The following FAM174B variants were observed in gnomAD, a reference collection of about 807,000 sequenced individuals.
FAM174B encodes family with sequence similarity 174 member B.
In FAM174B, 12 loss-of-function variants were observed where a neutral mutation model predicts 10.9. The observed-to-expected ratio is 1.10, with a 90% CI of 0.71 to 1.79. The LOEUF (loss-of-function observed/expected upper bound fraction) is 1.79. Among genes scored for constraint, FAM174B ranks in the 40% most tolerant of loss-of-function variants. The probability of loss-of-function intolerance (pLI) is 0.00; values close to 1 mark genes in which losing one functional copy is unlikely to be tolerated. For missense variants in FAM174B, 266 were observed against 233.3 expected (o/e 1.14, Z -0.91); for synonymous variants, 132 against 115.8 (o/e 1.14, Z -0.90).
intron 1 of FAM174B, among the ~76,000 whole-genome samples, chr15:92,635,290 G>C (rs1368377725): frequency 2.6e-5 from 4 of 152,104 alleles, no homozygotes; most frequent in Non-Finnish European, 5.9e-5. Flanking sequence ...TTGACATAAT[G>C]AGCTGGAGAA....
At chr15:92,626,159 C>T (rs200894015) in intron 2 of FAM174B, among the ~76,000 whole-genome samples, 2 of 146,802 alleles carry the variant, frequency 1.4e-5, no homozygotes, top group South Asian at 4.3e-4. Context: ...AGTGCACTGG[C>T]GCGATCTTGG....
At chr15:92,620,901 A>G (rs1407129724) in intron 2 of FAM174B, among the ~76,000 whole-genome samples, 1 of 152,094 alleles carries the variant, frequency 6.6e-6, no homozygotes, top group Non-Finnish European at 1.5e-5. Context: ...TGACCAGTTA[A>G]AGCTGCCACC....
intron 2 of FAM174B, among the ~76,000 whole-genome samples, chr15:92,626,114 A>ATT (rs67649021): frequency 0.012 from 1,271 of 105,044 alleles, 10 homozygotes; most frequent in African/African-American, 0.024. Flanking sequence ...AGGTTGCTGG[A>ATT]TTTTTTTTTT....
Position 92,630,273 on chromosome 15 carries a change from C to A in FAM174B, c.417G>T (p.Ala139=), listed in dbSNP as rs34612384. Residue 139 remains alanine (A), a synonymous_variant, in exon 2 of 3, where the codon GCG becomes GCT. Coordinates refer to ENST00000327355, the MANE Select transcript of FAM174B (RefSeq NM_207446.3). Reference sequence around the variant, plus strand: ...CTTCATCATCCTCTTCATTTAGTGGCGCCATTTCCACTCGCTCTGCTGGAG... The same window carrying A: ...CTTCATCATCCTCTTCATTTAGTGGAGCCATTTCCACTCGCTCTGCTGGAG... ...ITTPAERVEM[A]PLNEEDDEDE... The A allele has an allele frequency of 6.2e-7, 1 of 1,613,692 alleles. No individual in the cohort carries two copies. The highest frequency in any genetic ancestry group is 8.5e-7 in the Non-Finnish European group (1 of 1,179,708).
In FAM174B at chr15:92,655,519, G is replaced by C. The variant is rs2050998107; in HGVS notation, c.141C>G (p.Pro47=). The C allele has an allele frequency of 1.3e-6, 2 of 1,494,546 alleles. No homozygotes were observed. Among genetic ancestry groups the C allele is most frequent in the Non-Finnish European group, 1.8e-6 (2 of 1,122,548 alleles). The allele number at this position is 1,494,546 out of a possible 1,614,324, so 92.6% of individuals were successfully genotyped here. A position where few individuals can be genotyped will look rare whatever the true frequency, so the allele number is the denominator to read the frequency against. The stretch of plus-strand genomic sequence containing the variant: ...GGGTGGTGTTCCCGGGCCCCGGGCC[G>C]GGCGGTGGCCGCGACTCGCGCTCGG... ...PEPERESRPP[P]GPGPGNTTRF... Residue 47 remains proline (P), a synonymous_variant, in exon 1 of 3, where the codon CCC becomes CCG. Transcript: ENST00000327355.
chr15:92,620,286 C>T (rs936472940), intron 2 of FAM174B, among the ~76,000 whole-genome samples: 5 of 152,190 alleles, frequency 3.3e-5, no homozygotes, highest in African/African-American at 9.7e-5. Context: ...ATCACAAGGT[C>T]AGGAGATCGC....
rs1181563918 is a variant in FAM174B at position 92,631,406 on chromosome 15, TATATATA to T, written c.345-1068_345-1062del. ...TTATATATTATATATTATATTATAT[TATATATA>T]ATATATAATATATAATATAATATAT... On this transcript the variant is annotated intron_variant, in intron 1 of 2. Transcript: ENST00000327355. 3.4e-3 allele frequency among the ~76,000 whole-genome samples: 136 copies of T among 40,018 alleles called. 21 individuals are homozygous for T. The highest frequency in any genetic ancestry group is 0.018 in the African/African-American group (110 of 6,188). 26.3% of individuals were successfully genotyped at this position (40,018 alleles called of 152,430 possible).
intron 1 of FAM174B, among the ~76,000 whole-genome samples, chr15:92,635,429 C>A (rs1005814976): frequency 6.6e-6 from 1 of 152,022 alleles, no homozygotes; most frequent in Admixed American, 6.6e-5. Flanking sequence ...TTAAAGACAT[C>A]GAGACACGTT....
intron 1 of FAM174B, among the ~76,000 whole-genome samples, chr15:92,640,249 G>A (rs956440518): frequency 6.6e-6 from 1 of 152,088 alleles, no homozygotes; most frequent in Non-Finnish European, 1.5e-5. Flanking sequence ...ACATAAAAAT[G>A]TCTTAAAGTC....
At chr15:92,653,747 G>A (rs1439650820) in intron 1 of FAM174B, among the ~76,000 whole-genome samples, 4 of 152,240 alleles carry the variant, frequency 2.6e-5, no homozygotes, top group Admixed American at 6.5e-5. Flanking sequence ...GTGGCTGCAC[G>A]CACTTGTAGA....
intron 2 of FAM174B, among the ~76,000 whole-genome samples, chr15:92,620,986 C>T (rs12900850): frequency 0.3 from 45,781 of 151,944 alleles, 7,779 homozygotes; most frequent in Non-Finnish European, 0.39. Flanking sequence ...ATAGAATTTA[C>T]AAAATAATGA....
intron 1 of FAM174B, among the ~76,000 whole-genome samples, chr15:92,652,524 A>G (rs375005616): frequency 7.0e-4 from 106 of 152,294 alleles, no homozygotes; most frequent in African/African-American, 2.4e-3. Context: ...CCTTGCCCAC[A>G]CATCAAGGAG....
intron 1 of FAM174B, among the ~76,000 whole-genome samples, chr15:92,637,841 G>A (rs568027799): frequency 2.0e-5 from 3 of 152,334 alleles, no homozygotes; most frequent in Middle Eastern, 3.4e-3. Flanking sequence ...CAGCCTTGGG[G>A]ACAGGGCCCT....
At chr15:92,637,791 T>G (rs925138211) in intron 1 of FAM174B, among the ~76,000 whole-genome samples, 1 of 152,216 alleles carries the variant, frequency 6.6e-6, no homozygotes, top group Non-Finnish European at 1.5e-5. Context: ...ACGGCTGTGA[T>G]GAAGCTGAAA....
chr15:92,644,159 G>C (rs960280680), intron 1 of FAM174B, among the ~76,000 whole-genome samples: 1 of 152,140 alleles, frequency 6.6e-6, no homozygotes, highest in Non-Finnish European at 1.5e-5. Context: ...CCTAGCCTCT[G>C]CCCCACCCTG....
intron 1 of FAM174B, among the ~76,000 whole-genome samples, chr15:92,654,463 C>G (rs1023919657): frequency 2.0e-5 from 3 of 152,204 alleles, no homozygotes; most frequent in African/African-American, 7.2e-5. Context: ...TTGCATTCCT[C>G]TTAGCCCTGT....
intron 1 of FAM174B, among the ~76,000 whole-genome samples, chr15:92,653,525 T>C (rs1360721129): frequency 6.6e-6 from 1 of 152,250 alleles, no homozygotes; most frequent in Non-Finnish European, 1.5e-5. Flanking sequence ...ATGGCACCTC[T>C]GCTGAATGGC....
chr15:92,646,843 C>T (rs2050931611), intron 1 of FAM174B, among the ~76,000 whole-genome samples: 1 of 152,218 alleles, frequency 6.6e-6, no homozygotes, highest in African/African-American at 2.4e-5. Flanking sequence ...GTTATCCCCC[C>T]TTCCACTTAT....
chr15:92,655,726 C>T lies in FAM174B; in HGVS notation c.-67G>A. The T allele has an allele frequency of 8.4e-7, 1 of 1,185,544 alleles. No individual in the cohort carries two copies. The highest frequency in any genetic ancestry group is 3.5e-5 in the East Asian group (1 of 28,752). The allele number at this position is 1,185,544 out of a possible 1,614,324, so 73.4% of individuals were successfully genotyped here. A position where few individuals can be genotyped will look rare whatever the true frequency, so the allele number is the denominator to read the frequency against. On this transcript the variant is annotated 5_prime_UTR_variant, in exon 1 of 3. In the 5' UTR this introduces an upstream ATG that the reference lacks. Coordinates refer to ENST00000327355, the MANE Select transcript of FAM174B (RefSeq NM_207446.3). ...CTGAGCTCCAGGATCCGCACCAGCA[C>T]GGAGGCCTGCACCGGGGGATCCTGC...
Sources: allele counts gnomAD v4.1 joint callset (sites outside exome capture counted in the v4.1 genomes callset), GRCh38; gene constraint gnomAD v4.1.1; transcripts MANE v1.5; gene names NCBI Gene and HGNC (gene_info 2026-07-23, HGNC 2026-07-21).